Variants in SI observed in about 807,000 individuals in gnomAD.
The protein encoded by SI is sucrase-isomaltase.
Under a neutral mutation model 253.3 loss-of-function variants are expected in SI, and 235 were observed. The ratio of observed to expected loss-of-function variants is 0.93; its 90% confidence interval spans 0.83 to 1.03. The LOEUF (loss-of-function observed/expected upper bound fraction) is 1.03, where lower values mean the gene tolerates loss of function less well. Ranked by LOEUF, SI falls within the 50% of genes least tolerant of loss-of-function variation. SI has a pLI of 0.00. For synonymous variants in SI, 819 were observed against 712.0 expected, an observed-to-expected ratio of 1.15 and a Z score of -2.39; for missense variants, 2,442 against 2,211.1, an observed-to-expected ratio of 1.10 and a Z score of -2.09.
intron 6 of SI, among the ~76,000 whole-genome samples, chr3:165,066,442 C>T (rs2108095354): frequency 6.6e-6 from 1 of 151,970 alleles, no homozygotes; most frequent in Non-Finnish European, 1.5e-5. Flanking sequence ...TTTTACCGCA[C>T]ATTTAGAATT....
rs532972387 is a variant in SI at position 165,074,348 on chromosome 3, A to G, written c.255+183T>C. 21 of 341,522 alleles carry G rather than the reference A, an allele frequency of 6.1e-5. No homozygotes were observed. In the East Asian group the frequency reaches 1.0e-3, roughly 16 times the overall value. 21.2% of individuals were successfully genotyped at this position (341,522 alleles called of 1,614,324 possible). On this transcript the variant is annotated intron_variant, in intron 3 of 47. Coordinates refer to ENST00000264382, the MANE Select transcript of SI (RefSeq NM_001041.4). ...GTTAATTTAAATTGAGCAGAGATAA[A>G]GGAAAGCAAGGTCAGTAACTTCTAT...
chr3:164,996,913 A>G, intron 38 of SI, 141 bp from the exon 39 acceptor site: 1 of 487,790 alleles, frequency 2.1e-6, no homozygotes, highest in South Asian at 3.1e-5. Flanking sequence ...TAATATAATT[A>G]TCTCATAATG....
At chr3:164,996,904 A>C in intron 38 of SI, 132 bp from the exon 39 acceptor site, 1 of 504,640 alleles carries the variant, frequency 2.0e-6, no homozygotes, top group African/African-American at 2.0e-5. Context: ...TCAGATTATT[A>C]ATATAATTAT....
At chr3:165,079,635 A>G (rs1715217274), upstream of SI, among the ~76,000 whole-genome samples, 1 of 151,736 alleles carries the variant, frequency 6.6e-6, no homozygotes, top group Non-Finnish European at 1.5e-5. Flanking sequence ...CATATGCCAC[A>G]TTATTTTATA....
At position 165,039,952 on chromosome 3, in the gene SI, T is replaced by C. The variant is rs944118104; in HGVS notation, c.2179A>G (p.Ser727Gly). Residue 727 changes from serine (S) to glycine (G), a missense_variant, in exon 19 of 48, where the codon AGC becomes GGC. Transcript: ENST00000264382. ...AAAAACTCAGTGTCCTCAATCCAGCTGTTCGTATCCTCATAAAACCTAAGA... is the reference window on the plus strand; with the variant it reads ...AAAAACTCAGTGTCCTCAATCCAGCCGTTCGTATCCTCATAAAACCTAAGA... ...VLHEFYEDTN[S>G]WIEDTEFLWG... The C allele has an allele frequency of 5.0e-6, 8 of 1,612,996 alleles. No individual in the cohort carries two copies. Among genetic ancestry groups the C allele is most frequent in the Non-Finnish European group, 5.1e-6 (6 of 1,179,136 alleles).
chr3:165,007,972 T>C lies in SI; in HGVS notation c.4206A>G (p.Val1402=), dbSNP rs1229410364. 1.3e-6 allele frequency: 2 copies of C among 1,594,240 alleles called. No homozygotes were observed. Among genetic ancestry groups the C allele is most frequent in the Non-Finnish European group, 1.7e-6 (2 of 1,163,200 alleles). The change falls in exon 36 of 48, where the codon GTA becomes GTG. Residue 1402 remains valine, a synonymous_variant. Coordinates refer to ENST00000264382, the MANE Select transcript of SI (RefSeq NM_001041.4). The part of the protein sequence containing the change: ...WIDMNEPSSF[V]NGTTTNQCRN... ...TGCATTGATTAGTAGTTGTTCCATT[T>C]ACAAAACTTGATGGCTCATTCATAT... is the stretch of plus-strand genomic sequence containing the variant.
At chr3:165,029,348 C>A (rs957548052) in intron 25 of SI, among the ~76,000 whole-genome samples, 13 of 150,732 alleles carry the variant, frequency 8.6e-5, no homozygotes, top group Non-Finnish European at 1.6e-4. Context: ...TAAACTAGTA[C>A]AACCACTATG....
chr3:165,037,819 T>C (rs1468076380), intron 21 of SI, 81 bp downstream of exon 21: 3 of 1,009,586 alleles, frequency 3.0e-6, no homozygotes, highest in East Asian at 2.6e-5. Context: ...AACTAAATAT[T>C]ATCTCTAATT....
At chr3:165,087,977 G>T in the SI span, among the ~76,000 whole-genome samples, 1 of 152,104 alleles carries the variant, frequency 6.6e-6, no homozygotes, top group African/African-American at 2.4e-5. Context: ...ATGTATATAT[G>T]TAGGAATTAC....
At chr3:165,046,369 T>C (rs1418124565) in intron 16 of SI, among the ~76,000 whole-genome samples, 1 of 148,316 alleles carries the variant, frequency 6.7e-6, no homozygotes, top group East Asian at 2.1e-4. Context: ...CAATTCCTAG[T>C]ACACATTTTC....
At chr3:165,052,549 G>T (rs1489024294) in intron 13 of SI, among the ~76,000 whole-genome samples, 4 of 151,962 alleles carry the variant, frequency 2.6e-5, no homozygotes, top group African/African-American at 9.7e-5. Context: ...CCAGCTCCTC[G>T]GGAGGCTGAG....
At chr3:165,070,571 ATTAC>A (rs975146052) in intron 3 of SI, among the ~76,000 whole-genome samples, 1 of 151,696 alleles carries the variant, frequency 6.6e-6, no homozygotes, top group African/African-American at 2.4e-5. Flanking sequence ...TACAAAAAAA[ATTAC>A]TTACAGCAGT....
intron 22 of SI, among the ~76,000 whole-genome samples, chr3:165,034,030 G>T (rs1712395760): frequency 1.3e-5 from 2 of 151,490 alleles, no homozygotes; most frequent in African/African-American, 2.4e-5. Flanking sequence ...AAAAACTGAA[G>T]ATAAGGACTG....
intron 36 of SI, among the ~76,000 whole-genome samples, chr3:165,007,216 GA>G (rs1207919731): frequency 6.6e-6 from 1 of 152,050 alleles, no homozygotes; most frequent in African/African-American, 2.4e-5. Context: ...CATTTAGATG[GA>G]AAACACTGAT....
chr3:165,085,524 C>A, the SI span, among the ~76,000 whole-genome samples: 1 of 152,132 alleles, frequency 6.6e-6, no homozygotes, highest in Non-Finnish European at 1.5e-5. Flanking sequence ...CCAACATAAT[C>A]AAGAAACGCT....
chr3:165,039,180 G>A (rs2108216004), intron 19 of SI, 46 bp from the exon 20 acceptor site: 1 of 1,297,208 alleles, frequency 7.7e-7, no homozygotes, highest in Non-Finnish European at 1.1e-6. Flanking sequence ...TTTTTAACAA[G>A]GAGGATCTTA....
intron 11 of SI, 21 bp from the exon 12 acceptor site, chr3:165,059,103 C>T (rs1391362684): frequency 3.1e-6 from 5 of 1,599,014 alleles, no homozygotes; most frequent in Non-Finnish European, 4.3e-6. Context: ...AAAGCAGAAA[C>T]TGCAAAATCT....
chr3:165,079,610 G>T (rs1450203468), upstream of SI, among the ~76,000 whole-genome samples: 1 of 151,542 alleles, frequency 6.6e-6, no homozygotes, highest in Non-Finnish European at 1.5e-5. Flanking sequence ...ACTTTTGAGT[G>T]ATTTACTCTC....
intron 40 of SI, 35 bp from the exon 41 acceptor site, chr3:164,994,440 T>C: frequency 1.2e-6 from 2 of 1,605,020 alleles, no homozygotes; most frequent in Non-Finnish European, 1.7e-6. Context: ...TTATAAGCTT[T>C]GGTCCTTGTT....
Sources: gnomAD v4.1 joint callset for allele counts (sites outside exome capture counted in the v4.1 genomes callset) on GRCh38, gnomAD v4.1.1 for gene constraint, MANE v1.5 for transcripts, NCBI Gene and HGNC (gene_info 2026-07-23, HGNC 2026-07-21) for gene names.